The following PLVAP variants were observed in gnomAD, a reference collection of about 807,000 sequenced individuals.
The protein encoded by PLVAP is plasmalemma vesicle-associated protein.
In PLVAP, 34 loss-of-function variants were observed where a neutral mutation model predicts 43.1. The observed-to-expected ratio is 0.79, with a 90% CI of 0.60 to 1.05. PLVAP has a LOEUF of 1.05. PLVAP is among the 50% of genes least tolerant of loss of function. The pLI is 0.00. For missense variants in PLVAP, 574 were observed against 593.4 expected, an observed-to-expected ratio of 0.97 and a Z score of 0.34; for synonymous variants, 241 against 237.3, an observed-to-expected ratio of 1.02 and a Z score of -0.14.
intron 3 of PLVAP, chr19:17,362,439 C>T (rs937115723): frequency 6.6e-6 from 1 of 152,374 alleles, no homozygotes; most frequent in African/African-American, 2.4e-5. Context: ...AACCCAGGGT[C>T]ACCCAATCCT....
chr19:17,365,715 C>T lies in PLVAP; in HGVS notation c.750G>A (p.Leu250=), dbSNP rs139974290. 36 of 1,613,876 alleles carry T rather than the reference C, an allele frequency of 2.2e-5. No individual in the cohort carries two copies. The African/African-American group carries it at 3.7e-4, about 17-fold the overall frequency. The change falls in exon 3 of 6, where the codon CTG becomes CTA. Residue 250 remains leucine, a synonymous_variant. Transcript: ENST00000252590. ...GGTAGAGGTTGTAACCCAGGTTGTC[C>T]AGGCTGCGTGGGATAATGGAGTCCC... is the stretch of plus-strand genomic sequence containing the variant. ...LWRDSIIPRS[L]DNLGYNLYHP... is the part of the protein sequence containing the mutation.
intron 3 of PLVAP, among the ~76,000 whole-genome samples, chr19:17,364,597 C>A (rs1198213995): frequency 1.3e-5 from 2 of 152,058 alleles, no homozygotes; most frequent in Non-Finnish European, 2.9e-5. Context: ...TTACTACAAT[C>A]CTATAACCAT....
intron 1 of PLVAP, among the ~76,000 whole-genome samples, chr19:17,374,283 A>G (rs1884873846): frequency 6.6e-6 from 1 of 152,054 alleles, no homozygotes; most frequent in Admixed American, 6.6e-5. Context: ...TGGCTAACAC[A>G]GTGAAACCCG....
At chr19:17,356,940 C>T (rs1036072757) in intron 5 of PLVAP, among the ~76,000 whole-genome samples, 3 of 151,086 alleles carry the variant, frequency 2.0e-5, no homozygotes, top group East Asian at 2.0e-4. Flanking sequence ...GCCTGGGCAA[C>T]GAGAGAGAAA....
At chr19:17,352,794 C>T (rs879376827) in intron 5 of PLVAP, among the ~76,000 whole-genome samples, 9 of 152,294 alleles carry the variant, frequency 5.9e-5, no homozygotes, top group Non-Finnish European at 8.8e-5. Flanking sequence ...GGCAAGGCTT[C>T]GGTCTCCCTC....
At position 17,369,978 on chromosome 19, in the gene PLVAP, G is replaced by C. The variant is rs372610359; in HGVS notation, c.370-3783C>G. Among the ~76,000 whole-genome samples, 80 of 146,190 alleles carry C rather than the reference G, an allele frequency of 5.5e-4. 2 individuals are homozygous for C. The South Asian group carries it at 9.7e-3, about 18-fold the overall frequency. On this transcript the variant is annotated intron_variant, in intron 1 of 5. Transcript: ENST00000252590. ...CGATCACACCATTGCACTCCAGCCTGGGTGACAGAGCGAGAGTCTGTCTAA... is the reference window on the plus strand; with the variant it reads ...CGATCACACCATTGCACTCCAGCCTCGGTGACAGAGCGAGAGTCTGTCTAA...
chr19:17,367,021 C>A (rs770797052), intron 1 of PLVAP, among the ~76,000 whole-genome samples: 6 of 149,684 alleles, frequency 4.0e-5, no homozygotes, highest in Admixed American at 6.8e-5. Flanking sequence ...CAGCTCACTG[C>A]AACCTTGACC....
chr19:17,360,718 G>A, intron 4 of PLVAP, 54 bp downstream of exon 4: 2 of 1,586,580 alleles, frequency 1.3e-6, no homozygotes, highest in South Asian at 1.1e-5. Context: ...CTGGGGTGGG[G>A]TTCGAGGTGG....
intron 4 of PLVAP, 77 bp from the exon 5 acceptor site, chr19:17,360,686 C>T: frequency 6.3e-7 from 1 of 1,582,848 alleles, no homozygotes; most frequent in Non-Finnish European, 8.7e-7. Flanking sequence ...GGCTGGCAGC[C>T]CAGGGGAGTG....
intron 5 of PLVAP, among the ~76,000 whole-genome samples, chr19:17,353,903 T>G (rs1206913314): frequency 2.7e-5 from 4 of 147,182 alleles, no homozygotes; most frequent in African/African-American, 1.0e-4. Flanking sequence ...TAAATACGGC[T>G]CGAATGGACA....
chr19:17,371,406 G>A (rs1227151320), intron 1 of PLVAP, among the ~76,000 whole-genome samples: 1 of 151,922 alleles, frequency 6.6e-6, no homozygotes, highest in Non-Finnish European at 1.5e-5. Flanking sequence ...GTGATCCACT[G>A]GCCTCAGTCT....
intron 1 of PLVAP, among the ~76,000 whole-genome samples, chr19:17,367,551 G>A (rs1204443434): frequency 6.6e-6 from 1 of 152,028 alleles, no homozygotes; most frequent in Non-Finnish European, 1.5e-5. Flanking sequence ...ACAACACCCG[G>A]CTAATCTTTG....
At chr19:17,359,672 G>A (rs1236266672) in intron 5 of PLVAP, among the ~76,000 whole-genome samples, 2 of 146,172 alleles carry the variant, frequency 1.4e-5, no homozygotes, top group East Asian at 2.0e-4. Context: ...GATTACAGGC[G>A]TAAGCCACCG....
At chr19:17,356,291 A>T (rs1012561947) in intron 5 of PLVAP, among the ~76,000 whole-genome samples, 1 of 152,154 alleles carries the variant, frequency 6.6e-6, no homozygotes, top group African/African-American at 2.4e-5. Flanking sequence ...GCCCAGCGAC[A>T]GAGTGAGACT....
chr19:17,352,242 G>T lies in PLVAP; in HGVS notation c.*120C>A. The T allele has an allele frequency of 5.8e-6, 8 of 1,379,982 alleles. No individual in the cohort carries two copies. The highest frequency in any genetic ancestry group is 8.1e-6 in the Non-Finnish European group (8 of 989,750). The allele number at this position is 1,379,982 out of a possible 1,614,324, so 85.5% of individuals were successfully genotyped here. On this transcript the variant is annotated 3_prime_UTR_variant, in exon 6 of 6. Transcript: ENST00000252590. ...TTTGCATGCAGGGAGTTGTCTGATG[G>T]TGGCCCTGGGTGGTTGGGGGCGGCG...
In PLVAP at chr19:17,365,654, C is replaced by T. The variant is rs532294385; in HGVS notation, c.811G>A (p.Ala271Thr). Residue 271 changes from alanine to threonine, a missense_variant, in exon 3 of 6, where the codon GCC becomes ACC. Ala to Thr is a moderately conservative substitution (Grantham distance 58, BLOSUM62 0). Coordinates refer to ENST00000252590, the MANE Select transcript of PLVAP (RefSeq NM_031310.3). Reference protein sequence around the residue: ...LGSELASIRRACDHMPSLMSS... With the variant: ...LGSELASIRRTCDHMPSLMSS... The stretch of plus-strand genomic sequence containing the variant: ...ATGAGGCTGGGCATGTGGTCGCAGG[C>T]TCTGCGGATGGAGGCCAATTCCGAG... The T allele has an allele frequency of 6.2e-7, 1 of 1,613,704 alleles. No homozygotes were observed. The highest frequency in any genetic ancestry group is 2.2e-5 in the East Asian group (1 of 44,890).
At chr19:17,359,732 G>A (rs992042388) in intron 5 of PLVAP, among the ~76,000 whole-genome samples, 2 of 113,578 alleles carry the variant, frequency 1.8e-5, no homozygotes, top group African/African-American at 3.4e-5. Flanking sequence ...TCACTCTGTC[G>A]TCCAGGCTGG....
At chr19:17,376,867 G>A in intron 1 of PLVAP, 53 bp downstream of exon 1, 1 of 1,529,888 alleles carries the variant, frequency 6.5e-7, no homozygotes, top group African/African-American at 1.4e-5. Flanking sequence ...GCTCAGAGAG[G>A]TGAGGGGGCT....
chr19:17,368,429 T>C (rs1260930635), intron 1 of PLVAP, among the ~76,000 whole-genome samples: 14 of 149,336 alleles, frequency 9.4e-5, no homozygotes, highest in African/African-American at 3.5e-4. Flanking sequence ...CCAGGCTGGT[T>C]TCAAACTCCT....
Sources: allele counts gnomAD v4.1 joint callset (sites outside exome capture counted in the v4.1 genomes callset), GRCh38; gene constraint gnomAD v4.1.1; transcripts MANE v1.5; gene names NCBI Gene and HGNC (gene_info 2026-07-23, HGNC 2026-07-21).